Variants in GRAMD1B observed in about 807,000 individuals in gnomAD.
The protein encoded by GRAMD1B is GRAM domain containing 1B.
A neutral mutation model predicts 99.7 loss-of-function variants in GRAMD1B; 37 were observed. The observed-to-expected ratio is 0.37, with a 90% CI of 0.29 to 0.49. GRAMD1B has a LOEUF of 0.49. GRAMD1B is among the 20% of genes least tolerant of loss of function. The pLI is 0.98. For synonymous variants in GRAMD1B, 427 were observed against 387.6 expected (o/e 1.10, Z -1.19); for missense variants, 888 against 1,009.2 (o/e 0.88, Z 1.63).
At chr11:123,441,695 C>CA (rs762681258) in intron 1 of GRAMD1B, among the ~76,000 whole-genome samples, 1 of 152,006 alleles carries the variant, frequency 6.6e-6, no homozygotes, top group Non-Finnish European at 1.5e-5. Flanking sequence ...ACTTCAGAGG[C>CA]AGAAGTGGGA....
Position 123,622,544 on chromosome 11 carries a change from G to A in GRAMD1B, c.2583G>A (p.Arg861=). The A allele has an allele frequency of 6.4e-7, 1 of 1,557,870 alleles. No individual in the cohort carries two copies. Among genetic ancestry groups the A allele is most frequent in the Admixed American group, 1.9e-5 (1 of 52,066 alleles). Residue 861 remains arginine, a synonymous_variant, in exon 20 of 20, where the codon AGG becomes AGA. Transcript: ENST00000635736. ...TCATCAACCTTCAGAACGGCATCAG[G>A]TCCCGCGACTACACGTCGGAAAGTG... is the stretch of plus-strand genomic sequence containing the variant. ...DSLINLQNGI[R]SRDYTSESEE...
rs150670354 is a variant in GRAMD1B at position 123,400,139 on chromosome 11, T to A, written c.-176+41340T>A. 1.9e-3 allele frequency among the ~76,000 whole-genome samples: 290 copies of A among 152,254 alleles called. 1 individual carries two copies. Among genetic ancestry groups the A allele is most frequent in the Non-Finnish European group, 3.1e-3 (212 of 68,012 alleles). ...TTGGATATATGGTATCTGAGTCCAT[T>A]TGGGGTACTGTAACAGAACACCATA... On this transcript the variant is annotated intron_variant, in intron 1 of 20. Coordinates refer to the GRAMD1B transcript ENST00000638157.
chr11:123,389,812 C>T (rs548637756), intron 1 of GRAMD1B, among the ~76,000 whole-genome samples: 4 of 152,270 alleles, frequency 2.6e-5, no homozygotes, highest in African/African-American at 9.6e-5. Context: ...GTGGTACAAT[C>T]TGGGCTCACT....
At chr11:123,380,917 C>T (rs952144841) in intron 1 of GRAMD1B, among the ~76,000 whole-genome samples, 2 of 152,162 alleles carry the variant, frequency 1.3e-5, no homozygotes, top group African/African-American at 4.8e-5. Context: ...TATGAGCTCC[C>T]ACTCCCTTCT....
intron 2 of GRAMD1B, among the ~76,000 whole-genome samples, chr11:123,528,492 A>G (rs1943024225): frequency 6.6e-6 from 1 of 152,172 alleles, no homozygotes; most frequent in Non-Finnish European, 1.5e-5. Context: ...CAGTGTTATG[A>G]TAAGAATCCC....
chr11:123,430,956 G>T lies in GRAMD1B; in HGVS notation c.164G>T (p.Ser55Ile), dbSNP rs1213108956. The stretch of plus-strand genomic sequence containing the variant: ...CGCATGAAGAACGTACAGGAGCAGA[G>T]CCTGGAGGCCGGGCTGGCCCGGGAC... ...MRRMKNVQEQ[S>I]LEAGLARDLP... Residue 55 changes from serine (S) to isoleucine (I), a missense_variant, in exon 1 of 20, where the codon AGC becomes ATC. Ser to Ile is a moderately radical substitution (Grantham distance 142, BLOSUM62 -2). Coordinates refer to ENST00000635736, the MANE Select transcript of GRAMD1B (RefSeq NM_001387025.1). 15 of 702,734 alleles carry T rather than the reference G, an allele frequency of 2.1e-5. No homozygotes were observed. The highest frequency in any genetic ancestry group is 3.9e-5 in the Non-Finnish European group (15 of 384,902). 43.5% of individuals were successfully genotyped at this position (702,734 alleles called of 1,614,324 possible). A position where few individuals can be genotyped will look rare whatever the true frequency, so the allele number is the denominator to read the frequency against.
intron 1 of GRAMD1B, among the ~76,000 whole-genome samples, chr11:123,461,554 T>A (rs998745328): frequency 2.6e-5 from 4 of 152,234 alleles, no homozygotes; most frequent in African/African-American, 9.6e-5. Context: ...TTTTGGATTG[T>A]CTATGGTTTC....
At chr11:123,570,647 C>T (rs76775056) in intron 2 of GRAMD1B, among the ~76,000 whole-genome samples, 2,109 of 152,190 alleles carry the variant, frequency 0.014, 37 homozygotes, top group East Asian at 0.084. Context: ...TGGTCTCAAA[C>T]TCCTGATCTC....
At chr11:123,468,361 A>G (rs1435678190) in intron 1 of GRAMD1B, among the ~76,000 whole-genome samples, 1 of 152,172 alleles carries the variant, frequency 6.6e-6, no homozygotes, top group African/African-American at 2.4e-5. Context: ...TTATACACCT[A>G]ATATGTGCTA....
At chr11:123,619,064 G>A (rs1227085029) in intron 18 of GRAMD1B, 43 bp from the exon 19 acceptor site, 3 of 1,115,924 alleles carry the variant, frequency 2.7e-6, no homozygotes, top group African/African-American at 3.1e-5. Flanking sequence ...AGTTCGCTGA[G>A]CATAACTCCA....
chr11:123,499,400 G>T (rs937779747), intron 2 of GRAMD1B, among the ~76,000 whole-genome samples: 1 of 151,984 alleles, frequency 6.6e-6, no homozygotes, highest in African/African-American at 2.4e-5. Context: ...TTCTGTTATC[G>T]CAACAGAAAA....
chr11:123,458,686 G>GTTTTTTTT (rs1219399393), intron 1 of GRAMD1B: 1 of 97,542 alleles, frequency 1.0e-5, no homozygotes, highest in Non-Finnish European at 1.9e-5. Context: ...GTGAAAGGCT[G>GTTTTTTTT]TTTTGTTTTT....
chr11:123,398,538 C>T (rs1192559807), intron 1 of GRAMD1B, among the ~76,000 whole-genome samples: 4 of 152,186 alleles, frequency 2.6e-5, no homozygotes, highest in Admixed American at 2.6e-4. Context: ...AATTTATACT[C>T]CCATTGGCAG....
intron 15 of GRAMD1B, 173 bp downstream of exon 15, chr11:123,613,037 G>A (rs1953808967): frequency 1.7e-6 from 1 of 597,820 alleles, no homozygotes; most frequent in Admixed American, 3.0e-5. Context: ...TGGCATGTAT[G>A]TGGACAAGTG....
At chr11:123,456,235 G>A (rs1352806280) in intron 1 of GRAMD1B, among the ~76,000 whole-genome samples, 1 of 152,096 alleles carries the variant, frequency 6.6e-6, no homozygotes, top group African/African-American at 2.4e-5. Flanking sequence ...TTTATAGAAT[G>A]AGCAACTGTT....
chr11:123,613,420 G>T (rs1953877521), intron 15 of GRAMD1B, 35 bp from the exon 16 acceptor site: 5 of 1,458,278 alleles, frequency 3.4e-6, no homozygotes, highest in Non-Finnish European at 3.8e-6. Flanking sequence ...GAGGGCTGAA[G>T]GTGGCCTCTC....
upstream of GRAMD1B, among the ~76,000 whole-genome samples, chr11:123,427,754 G>C (rs1386050429): frequency 1.3e-5 from 2 of 152,174 alleles, no homozygotes; most frequent in African/African-American, 4.8e-5. Flanking sequence ...CAGGGTATCT[G>C]CTTCCCAATC....
intron 2 of GRAMD1B, among the ~76,000 whole-genome samples, chr11:123,485,571 A>G (rs1228534215): frequency 1.3e-5 from 2 of 152,204 alleles, no homozygotes; most frequent in African/African-American, 2.4e-5. Flanking sequence ...ATCAGCAAGA[A>G]GGGTTGATTT....
At chr11:123,367,552 T>A (rs1946360508) in intron 1 of GRAMD1B, among the ~76,000 whole-genome samples, 1 of 152,210 alleles carries the variant, frequency 6.6e-6, no homozygotes, top group Non-Finnish European at 1.5e-5. Context: ...TGTGAGGTAC[T>A]TGACGTGTTC....
Sources: gnomAD v4.1 joint callset for allele counts (sites outside exome capture counted in the v4.1 genomes callset) on GRCh38, gnomAD v4.1.1 for gene constraint, MANE v1.5 for transcripts, NCBI Gene and HGNC (gene_info 2026-07-23, HGNC 2026-07-21) for gene names.